CNNM2: variants seen among roughly 807,000 people sequenced by gnomAD.
CNNM2 encodes metal transporter CNNM2.
CNNM2 carries 12 observed loss-of-function variants against 66.9 expected under a neutral mutation model. That is an observed-to-expected ratio of 0.18 (90% CI 0.11 to 0.29). The LOEUF is 0.29. Ranked by LOEUF, CNNM2 falls within the 10% of genes least tolerant of loss-of-function variation. The pLI is 1.00. For synonymous variants in CNNM2, 557 were observed against 501.8 expected (o/e 1.11, Z -1.47); for missense variants, 705 against 1,167.7 (o/e 0.60, Z 5.77).
At chr10:103,063,788 T>C (rs947037422) in intron 4 of CNNM2, among the ~76,000 whole-genome samples, 1 of 152,212 alleles carries the variant, frequency 6.6e-6, no homozygotes, top group African/African-American at 2.4e-5. Flanking sequence ...TTTGGTGATA[T>C]GCTCGACTAG....
intron 3 of CNNM2, 138 bp from the exon 4 acceptor site, chr10:103,056,657 C>G (rs1262153530): frequency 1.3e-6 from 1 of 793,544 alleles, no homozygotes; most frequent in African/African-American, 1.7e-5. Context: ...CAGTGGATCA[C>G]CAAACGGAAG....
At chr10:102,986,840 G>C (rs1460212905) in intron 1 of CNNM2, among the ~76,000 whole-genome samples, 1 of 151,924 alleles carries the variant, frequency 6.6e-6, no homozygotes, top group Non-Finnish European at 1.5e-5. Context: ...TAGAGGTGGT[G>C]ATTCAGCAGA....
At chr10:102,991,535 A>G (rs762561954) in intron 1 of CNNM2, among the ~76,000 whole-genome samples, 2 of 151,988 alleles carry the variant, frequency 1.3e-5, no homozygotes, top group African/African-American at 2.4e-5. Flanking sequence ...CTGCTTTTTC[A>G]TATTTGGCTT....
intron 7 of CNNM2, among the ~76,000 whole-genome samples, chr10:103,076,530 T>G (rs1285894433): frequency 6.6e-6 from 1 of 152,112 alleles, no homozygotes; most frequent in East Asian, 1.9e-4. Flanking sequence ...GAGCCAGAGA[T>G]CCTGGAAAAA....
intron 1 of CNNM2, among the ~76,000 whole-genome samples, chr10:102,924,813 C>T (rs1210059214): frequency 2.6e-5 from 4 of 151,822 alleles, no homozygotes; most frequent in African/African-American, 9.7e-5. Flanking sequence ...ATGGTGTCAC[C>T]GGGAGCTGAT....
chr10:103,024,386 C>G (rs894055845), intron 1 of CNNM2, among the ~76,000 whole-genome samples: 1 of 152,102 alleles, frequency 6.6e-6, no homozygotes, highest in Non-Finnish European at 1.5e-5. Flanking sequence ...CAAGACATAC[C>G]ATTTCATGCC....
At chr10:102,982,162 C>T (rs1344522586) in intron 1 of CNNM2, among the ~76,000 whole-genome samples, 1 of 152,188 alleles carries the variant, frequency 6.6e-6, no homozygotes, top group Non-Finnish European at 1.5e-5. Flanking sequence ...TCGTCACTTT[C>T]TCAAGGAGGT....
At chr10:102,929,975 G>A (rs1846011984) in intron 1 of CNNM2, among the ~76,000 whole-genome samples, 1 of 152,130 alleles carries the variant, frequency 6.6e-6, no homozygotes, top group Non-Finnish European at 1.5e-5. Flanking sequence ...TAATGATTTT[G>A]GAAGGCAACT....
Position 103,056,974 on chromosome 10 carries a change from A to G in CNNM2, c.2073+10A>G. ...CGTTCTCATTCTGCAGGTCAGAAGA[A>G]TTATTCAATAGTGGTTTGCTCTCAC... On this transcript the variant is annotated intron_variant, in intron 4 of 7. Coordinates refer to ENST00000369878, the MANE Select transcript of CNNM2 (RefSeq NM_017649.5). 1 of 1,606,520 alleles carries G rather than the reference A, an allele frequency of 6.2e-7. No individual in the cohort carries two copies. The highest frequency in any genetic ancestry group is 8.5e-7 in the Non-Finnish European group (1 of 1,176,858).
intron 1 of CNNM2, among the ~76,000 whole-genome samples, chr10:102,987,279 C>CAT (rs747816150): frequency 3.0e-4 from 46 of 151,716 alleles, no homozygotes; most frequent in South Asian, 8.3e-4. Flanking sequence ...GTAGGACTTA[C>CAT]ATATATATAT....
intron 5 of CNNM2, among the ~76,000 whole-genome samples, chr10:103,070,778 A>T (rs2065565243): frequency 6.6e-6 from 1 of 152,132 alleles, no homozygotes; most frequent in African/African-American, 2.4e-5. Context: ...AAAAATACAA[A>T]AATTAGCCAG....
intron 1 of CNNM2, among the ~76,000 whole-genome samples, chr10:103,005,830 A>G (rs2064215690): frequency 1.3e-5 from 2 of 151,860 alleles, no homozygotes; most frequent in Admixed American, 6.6e-5. Flanking sequence ...CTAGTCTCCA[A>G]CAGTCCTCTT....
rs72841299 is a variant in CNNM2 at position 102,942,340 on chromosome 10, A to G, written c.1621+22239A>G. ...CTTCCTATTCCCCAATTCCCAGCCC[A>G]TGGCAACCAATGTTCTACTTTCTGT... On this transcript the variant is annotated intron_variant, in intron 1 of 7. Coordinates refer to ENST00000369878, the MANE Select transcript of CNNM2 (RefSeq NM_017649.5). Among the ~76,000 whole-genome samples the G allele has an allele frequency of 2.4e-4, 36 of 152,304 alleles. No individual in the cohort carries two copies. Among genetic ancestry groups the G allele is most frequent in the Non-Finnish European group, 3.5e-4 (24 of 68,024 alleles).
intron 1 of CNNM2, among the ~76,000 whole-genome samples, chr10:103,037,234 G>C (rs1212683056): frequency 6.7e-6 from 1 of 148,192 alleles, no homozygotes; most frequent in Non-Finnish European, 1.5e-5. Flanking sequence ...CCCTGTGTTG[G>C]GAATTATATA....
chr10:103,034,390 A>T (rs1322868091), intron 1 of CNNM2, among the ~76,000 whole-genome samples: 2 of 151,920 alleles, frequency 1.3e-5, no homozygotes, highest in Admixed American at 1.3e-4. Context: ...AGGTTTAAAA[A>T]CCGACCTCAT....
intron 1 of CNNM2, among the ~76,000 whole-genome samples, chr10:102,996,603 C>T (rs983068879): frequency 2.0e-5 from 3 of 152,150 alleles, no homozygotes; most frequent in African/African-American, 7.2e-5. Context: ...ACTCGGGAGG[C>T]CGAGGTGGGA....
chr10:103,021,573 G>A (rs1377171809), intron 1 of CNNM2, among the ~76,000 whole-genome samples: 4 of 152,226 alleles, frequency 2.6e-5, no homozygotes, highest in South Asian at 4.1e-4. Context: ...GCTTTCGCTC[G>A]ATTTTGACAA....
intron 6 of CNNM2, among the ~76,000 whole-genome samples, chr10:103,072,276 G>A (rs1266563636): frequency 6.6e-6 from 1 of 152,224 alleles, no homozygotes; most frequent in Non-Finnish European, 1.5e-5. Context: ...CCAAAGGCCT[G>A]AGAGCTGTGA....
intron 4 of CNNM2, among the ~76,000 whole-genome samples, chr10:103,057,307 A>C (rs1164838625): frequency 1.3e-5 from 2 of 152,038 alleles, no homozygotes; most frequent in Non-Finnish European, 2.9e-5. Flanking sequence ...CATCTCTACA[A>C]AAAATTTAAA....
Sources: gnomAD v4.1 joint callset for allele counts (sites outside exome capture counted in the v4.1 genomes callset) on GRCh38, gnomAD v4.1.1 for gene constraint, MANE v1.5 for transcripts, NCBI Gene and HGNC (gene_info 2026-07-23, HGNC 2026-07-21) for gene names.